MAGI1: variants seen among roughly 807,000 people sequenced by gnomAD.
MAGI1 encodes the protein membrane associated guanylate kinase, WW and PDZ domain containing 1.
MAGI1 carries 58 observed loss-of-function variants against 139.9 expected under a neutral mutation model. The observed-to-expected ratio is 0.41, with a 90% CI of 0.34 to 0.52. The LOEUF is 0.52. MAGI1 is among the 20% of genes least tolerant of loss of function. The probability of loss-of-function intolerance (pLI) is 0.12; values close to 1 mark genes in which losing one functional copy is unlikely to be tolerated. For missense variants in MAGI1, 1,874 were observed against 1,901.6 expected, an observed-to-expected ratio of 0.99 and a Z score of 0.27; for synonymous variants, 812 against 737.9, an observed-to-expected ratio of 1.10 and a Z score of -1.63.
intron 1 of MAGI1, among the ~76,000 whole-genome samples, chr3:65,750,301 C>G (rs1462908613): frequency 6.6e-6 from 1 of 152,024 alleles, no homozygotes; most frequent in African/African-American, 2.4e-5. Context: ...GGAAAACGGG[C>G]TTTTTAAAAA....
Position 65,673,003 on chromosome 3 carries a change from GGTGA to G in MAGI1, c.314-50919_314-50916del, listed in dbSNP as rs1212782205. Reference sequence around the variant, plus strand: ...TATGTGTTATGACAGGTTCTGCGAAGGTGAGTATTAAAAAATATTTGTTCCCAAC... The same window carrying G: ...TATGTGTTATGACAGGTTCTGCGAAGGTATTAAAAAATATTTGTTCCCAAC... On this transcript the variant is annotated intron_variant, in intron 1 of 22. Coordinates refer to ENST00000402939, the MANE Select transcript of MAGI1 (RefSeq NM_001033057.2). Among the ~76,000 whole-genome samples, 3 of 152,022 alleles carry G rather than the reference GGTGA, an allele frequency of 2.0e-5. No individual in the cohort carries two copies. The East Asian group carries it at 5.8e-4, about 29-fold the overall frequency.
At chr3:65,489,679 T>G (rs921831020) in intron 3 of MAGI1, among the ~76,000 whole-genome samples, 7 of 152,150 alleles carry the variant, frequency 4.6e-5, no homozygotes, top group Admixed American at 1.3e-4. Flanking sequence ...CTGTATGCGG[T>G]AATGTGGAAA....
intron 1 of MAGI1, among the ~76,000 whole-genome samples, chr3:65,661,745 G>GGT (rs2086200196): frequency 1.1e-5 from 1 of 93,920 alleles, no homozygotes; most frequent in Non-Finnish European, 2.0e-5. Flanking sequence ...GTTTTTTTCT[G>GGT]TTTTTTTTTT....
chr3:65,534,759 G>A (rs1191441117), intron 2 of MAGI1, among the ~76,000 whole-genome samples: 2 of 152,158 alleles, frequency 1.3e-5, no homozygotes, highest in South Asian at 2.1e-4. Context: ...CCCAGGTCTG[G>A]CTGCCTCCAA....
intron 5 of MAGI1, among the ~76,000 whole-genome samples, chr3:65,454,666 T>C (rs1167429159): frequency 1.3e-5 from 2 of 151,212 alleles, no homozygotes; most frequent in African/African-American, 4.9e-5. Context: ...ATTTGGGAGT[T>C]GGCAGGGAAG....
intron 1 of MAGI1, among the ~76,000 whole-genome samples, chr3:65,974,502 C>A (rs1309059517): frequency 6.6e-6 from 1 of 151,950 alleles, no homozygotes; most frequent in Non-Finnish European, 1.5e-5. Context: ...AACAAGTAAC[C>A]CCAGTCTTAT....
chr3:65,900,905 G>A (rs1575934144), intron 1 of MAGI1, among the ~76,000 whole-genome samples: 1 of 152,322 alleles, frequency 6.6e-6, no homozygotes, highest in East Asian at 1.9e-4. Flanking sequence ...TATGCTAGGA[G>A]TGTGGACAGC....
chr3:65,935,070 G>C (rs542634911), intron 1 of MAGI1, among the ~76,000 whole-genome samples: 16 of 152,160 alleles, frequency 1.1e-4, no homozygotes, highest in African/African-American at 3.9e-4. Flanking sequence ...GATCAAAGAA[G>C]AGAGGTTACA....
chr3:66,020,384 C>G (rs2067897705), intron 1 of MAGI1, among the ~76,000 whole-genome samples: 1 of 152,142 alleles, frequency 6.6e-6, no homozygotes. Flanking sequence ...GAGCCAAAAT[C>G]ACATCATTAC....
intron 1 of MAGI1, among the ~76,000 whole-genome samples, chr3:65,920,213 G>A (rs905989172): frequency 2.0e-5 from 3 of 152,142 alleles, no homozygotes; most frequent in African/African-American, 7.2e-5. Context: ...TATTTAAAGA[G>A]CTGGTTTCCA....
rs1438623069 is a variant in MAGI1 at position 66,038,003 on chromosome 3, G to C, written c.306C>G (p.Val102=). 115 of 1,577,398 alleles carry C rather than the reference G, an allele frequency of 7.3e-5. No individual in the cohort carries two copies. The highest frequency in any genetic ancestry group is 9.8e-5 in the Non-Finnish European group (114 of 1,159,986). Residue 102 remains valine (V), a synonymous_variant, in exon 1 of 23, where the codon GTC becomes GTG. Coordinates refer to ENST00000402939, the MANE Select transcript of MAGI1 (RefSeq NM_001033057.2). ...AGGCGCGCCCTGCCTTACCTTGTCT[G>C]ACGGCCTTGAAGGTGACGGCCTCCT... ...SCKEAVTFKA[V]RQGGRLNKDL...
intron 1 of MAGI1, among the ~76,000 whole-genome samples, chr3:65,735,151 T>C (rs181316429): frequency 6.6e-6 from 1 of 152,288 alleles, no homozygotes; most frequent in African/African-American, 2.4e-5. Context: ...CAAATACATA[T>C]TGGAATCATG....
intron 12 of MAGI1, among the ~76,000 whole-genome samples, chr3:65,427,053 C>T (rs1575704526): frequency 6.6e-6 from 1 of 152,290 alleles, no homozygotes; most frequent in South Asian, 2.1e-4. Flanking sequence ...GTGGCTCATG[C>T]CTGTAATCCT....
intron 1 of MAGI1, among the ~76,000 whole-genome samples, chr3:65,985,317 C>T (rs2065824582): frequency 6.6e-6 from 1 of 152,186 alleles, no homozygotes; most frequent in African/African-American, 2.4e-5. Context: ...TGAATTTAAT[C>T]TCTTATGAGA....
intron 1 of MAGI1, among the ~76,000 whole-genome samples, chr3:65,868,435 T>C (rs1181692639): frequency 6.6e-6 from 1 of 152,200 alleles, no homozygotes; most frequent in Non-Finnish European, 1.5e-5. Flanking sequence ...AGATTCAAAA[T>C]GCTGTTTGAC....
chr3:65,847,980 G>GC (rs2059066357), intron 1 of MAGI1, among the ~76,000 whole-genome samples: 3 of 152,126 alleles, frequency 2.0e-5, no homozygotes, highest in Non-Finnish European at 4.4e-5. Flanking sequence ...GTCCAGTTTG[G>GC]GCAACACAGT....
At chr3:65,723,398 C>A (rs1165357833) in intron 1 of MAGI1, among the ~76,000 whole-genome samples, 1 of 152,148 alleles carries the variant, frequency 6.6e-6, no homozygotes, top group Non-Finnish European at 1.5e-5. Flanking sequence ...AGTTTCCCCA[C>A]CCCAAAGTAG....
chr3:65,766,994 C>A (rs990920060), intron 1 of MAGI1, among the ~76,000 whole-genome samples: 1 of 152,162 alleles, frequency 6.6e-6, no homozygotes, highest in African/African-American at 2.4e-5. Flanking sequence ...CCGTCTTGGG[C>A]AGGTCATATT....
At chr3:65,881,687 G>A (rs2060335536) in intron 1 of MAGI1, among the ~76,000 whole-genome samples, 2 of 152,022 alleles carry the variant, frequency 1.3e-5, no homozygotes, top group South Asian at 4.1e-4. Flanking sequence ...ACATTTGTAA[G>A]CTCATCAAAT....
Sources: gnomAD v4.1 joint callset for allele counts (sites outside exome capture counted in the v4.1 genomes callset) on GRCh38, gnomAD v4.1.1 for gene constraint, MANE v1.5 for transcripts, NCBI Gene and HGNC (gene_info 2026-07-23, HGNC 2026-07-21) for gene names.